Variants in ROR2 observed in about 807,000 individuals in gnomAD.
ROR2 encodes ROR family WNT receptor 2.
A neutral mutation model predicts 74.9 loss-of-function variants in ROR2; 33 were observed. The observed-to-expected ratio is 0.44, with a 90% CI of 0.33 to 0.59. ROR2 has a LOEUF of 0.59. Ranked by LOEUF, ROR2 falls within the 20% of genes least tolerant of loss-of-function variation. ROR2 has a pLI of 0.02. For missense variants in ROR2, 1,216 were observed against 1,313.8 expected (o/e 0.93, Z 1.15); for synonymous variants, 586 against 558.7 (o/e 1.05, Z -0.69).
chr9:91,846,634 T>G (rs1027941327), intron 1 of ROR2, among the ~76,000 whole-genome samples: 2 of 152,162 alleles, frequency 1.3e-5, no homozygotes, highest in Non-Finnish European at 2.9e-5. Flanking sequence ...CACAATGCAA[T>G]GGAGCTGCTC....
At position 91,800,718 on chromosome 9, in the gene ROR2, T is replaced by C. The variant is rs368961051; in HGVS notation, c.98-24900A>G. On this transcript the variant is annotated intron_variant, in intron 1 of 8. Transcript: ENST00000375708. Reference sequence around the variant, plus strand: ...TGGGCATCACGCCCACGCACTGCTGTTGTCCTCCCAAGCCATTCCCAGCGG... The same window carrying C: ...TGGGCATCACGCCCACGCACTGCTGCTGTCCTCCCAAGCCATTCCCAGCGG... Among the ~76,000 whole-genome samples the C allele has an allele frequency of 3.0e-4, 46 of 152,316 alleles. No individual in the cohort carries two copies. The South Asian group carries it at 9.3e-3, about 31-fold the overall frequency.
rs1182861655 is a variant in ROR2 at position 91,949,733 on chromosome 9, A to T, written c.97+134T>A. 7 of 678,096 alleles carry T rather than the reference A, an allele frequency of 1.0e-5. No homozygotes were observed. The African/African-American group carries it at 1.1e-4, about 11-fold the overall frequency. 42.0% of individuals were successfully genotyped at this position (678,096 alleles called of 1,614,324 possible). On this transcript the variant is annotated intron_variant, in intron 1 of 8. Coordinates refer to ENST00000375708, the MANE Select transcript of ROR2 (RefSeq NM_004560.4). The stretch of plus-strand genomic sequence containing the variant: ...GGGAGCGGCGTCGGGCGAGATGCGA[A>T]TGGCCCTGCCTGGCGCCCCTCGTTC...
chr9:91,811,563 C>T (rs1395561087), intron 1 of ROR2, among the ~76,000 whole-genome samples: 4 of 152,210 alleles, frequency 2.6e-5, no homozygotes, highest in Admixed American at 6.5e-5. Flanking sequence ...GCACTCATCA[C>T]CTGCTAGTGG....
chr9:91,761,202 A>G (rs1239570691), intron 2 of ROR2, among the ~76,000 whole-genome samples: 1 of 152,176 alleles, frequency 6.6e-6, no homozygotes, highest in Admixed American at 6.5e-5. Flanking sequence ...AAACCAACCC[A>G]ACAGTCCCAT....
At chr9:91,781,913 T>G (rs140910409) in intron 1 of ROR2, among the ~76,000 whole-genome samples, 6 of 152,352 alleles carry the variant, frequency 3.9e-5, no homozygotes, top group African/African-American at 1.4e-4. Context: ...CAATATTGCC[T>G]TCATAAAGCT....
At chr9:91,764,688 T>C (rs1826010584) in intron 2 of ROR2, among the ~76,000 whole-genome samples, 1 of 152,166 alleles carries the variant, frequency 6.6e-6, no homozygotes, top group Non-Finnish European at 1.5e-5. Context: ...TCTACCAACT[T>C]CTTTCCTCAC....
intron 1 of ROR2, among the ~76,000 whole-genome samples, chr9:91,935,571 C>T (rs964626490): frequency 1.3e-5 from 2 of 152,226 alleles, no homozygotes; most frequent in African/African-American, 4.8e-5. Context: ...AGGATGTTTG[C>T]TTTTGTTGGC....
intron 7 of ROR2, among the ~76,000 whole-genome samples, chr9:91,728,090 C>T (rs963489520): frequency 2.0e-5 from 3 of 152,186 alleles, no homozygotes; most frequent in Non-Finnish European, 4.4e-5. Flanking sequence ...AGAGTCCAGG[C>T]CACTCTCACG....
chr9:91,797,244 GGCTCTGTGGGTGGGGCT>G (rs1827212367), intron 1 of ROR2, among the ~76,000 whole-genome samples: 1 of 26,950 alleles, frequency 3.7e-5, no homozygotes, highest in African/African-American at 2.1e-4. Flanking sequence ...TGACACCCTG[GGCTCTGTGGGTGGGGCT>G]GACACCCTGC....
At position 91,836,209 on chromosome 9, in the gene ROR2, C is replaced by A. The variant is rs139755687; in HGVS notation, c.98-60391G>T. On this transcript the variant is annotated intron_variant, in intron 1 of 8. Coordinates refer to ENST00000375708, the MANE Select transcript of ROR2 (RefSeq NM_004560.4). ...GGTGAAGTTCATTTGTTTTTATTGT[C>A]GTATGGCACTTTGTCCTGGGAAGAG... is the stretch of plus-strand genomic sequence containing the variant. Among the ~76,000 whole-genome samples the A allele has an allele frequency of 6.8e-4, 104 of 152,174 alleles. 1 individual carries two copies. In the East Asian group the frequency reaches 0.02, roughly 29 times the overall value.
intron 1 of ROR2, among the ~76,000 whole-genome samples, chr9:91,925,007 G>A (rs1401697480): frequency 6.6e-6 from 1 of 151,994 alleles, no homozygotes; most frequent in African/African-American, 2.4e-5. Context: ...ACCACACCTG[G>A]CTATTTTTTA....
intron 1 of ROR2, among the ~76,000 whole-genome samples, chr9:91,858,994 C>T (rs1239322870): frequency 6.6e-6 from 1 of 152,070 alleles, no homozygotes; most frequent in South Asian, 2.1e-4. Context: ...AACAGGGTTG[C>T]CACCAAGGAG....
intron 1 of ROR2, among the ~76,000 whole-genome samples, chr9:91,877,020 A>C (rs1829977019): frequency 6.6e-6 from 1 of 152,044 alleles, no homozygotes; most frequent in Admixed American, 6.5e-5. Context: ...AGATCCCAAA[A>C]CCCCTCCAAG....
intron 1 of ROR2, among the ~76,000 whole-genome samples, chr9:91,949,314 AGGACCC>A (rs1426931474): frequency 6.6e-6 from 1 of 151,750 alleles, no homozygotes; most frequent in Non-Finnish European, 1.5e-5. Flanking sequence ...TGGGAAAGTC[AGGACCC>A]GGGAGCCGCC....
At chr9:91,832,697 G>A (rs566563658) in intron 1 of ROR2, among the ~76,000 whole-genome samples, 2 of 152,240 alleles carry the variant, frequency 1.3e-5, no homozygotes, top group South Asian at 2.1e-4. Flanking sequence ...TTTCAAATGC[G>A]CCTGGTCAGA....
chr9:91,839,112 T>C (rs1828700328), intron 1 of ROR2, among the ~76,000 whole-genome samples: 1 of 152,184 alleles, frequency 6.6e-6, no homozygotes, highest in African/African-American at 2.4e-5. Context: ...AAGCGTGGGA[T>C]GACAGCAGCT....
chr9:91,850,043 G>A (rs1057138954), intron 1 of ROR2, among the ~76,000 whole-genome samples: 2 of 151,888 alleles, frequency 1.3e-5, no homozygotes, highest in East Asian at 3.9e-4. Context: ...TCCTCATATC[G>A]ACTTCTCTGT....
intron 1 of ROR2, among the ~76,000 whole-genome samples, chr9:91,922,156 C>A (rs1831286216): frequency 2.0e-5 from 3 of 151,982 alleles, no homozygotes; most frequent in Admixed American, 6.6e-5. Context: ...AAAACAAGTA[C>A]TGTTGAGAAC....
intron 1 of ROR2, among the ~76,000 whole-genome samples, chr9:91,822,259 C>A (rs1320447335): frequency 3.3e-5 from 5 of 152,278 alleles, no homozygotes; most frequent in Middle Eastern, 3.4e-3. Flanking sequence ...CTGAGCACAC[C>A]AGCATCCATG....
Sources: gnomAD v4.1 joint callset for allele counts (sites outside exome capture counted in the v4.1 genomes callset) on GRCh38, gnomAD v4.1.1 for gene constraint, MANE v1.5 for transcripts, NCBI Gene and HGNC (gene_info 2026-07-23, HGNC 2026-07-21) for gene names.